Variants in DDX20 observed in about 807,000 individuals in gnomAD.
DDX20 encodes probable ATP-dependent RNA helicase DDX20.
Under a neutral mutation model 76.4 loss-of-function variants are expected in DDX20, and 61 were observed. That is an observed-to-expected ratio of 0.80 (90% CI 0.65 to 0.99). DDX20 has a LOEUF of 0.99. Among genes scored for constraint, DDX20 ranks in the 50% least tolerant of loss-of-function variants. The probability of loss-of-function intolerance (pLI) is 0.00; values close to 1 mark genes in which losing one functional copy is unlikely to be tolerated. For missense variants in DDX20, 976 were observed against 996.8 expected (o/e 0.98, Z 0.28); for synonymous variants, 357 against 357.4 (o/e 1.00, Z 0.01).
At chr1:111,759,032 A>G (rs1663619132) in intron 2 of DDX20, among the ~76,000 whole-genome samples, 1 of 152,248 alleles carries the variant, frequency 6.6e-6, no homozygotes, top group Non-Finnish European at 1.5e-5. Flanking sequence ...GGAACAATAA[A>G]AAATAATACA....
In DDX20 at chr1:111,762,949, A is replaced by G. The variant is rs368058747; in HGVS notation, c.1254A>G (p.Glu418=). 3.9e-5 allele frequency: 63 copies of G among 1,613,960 alleles called. No homozygotes were observed. The highest frequency in any genetic ancestry group is 5.3e-5 in the Non-Finnish European group (62 of 1,179,978). ...TGACCTACTGTTGCCGGGGAGAGGA[A>G]GAAAATATGATGATGAGAATTGCCC... is the stretch of plus-strand genomic sequence containing the variant. The part of the protein sequence containing the change: ...LTVTYCCRGE[E]ENMMMRIAQK... Residue 418 remains glutamate, a synonymous_variant, in exon 10 of 11, where the codon GAA becomes GAG. Transcript: ENST00000369702.
Position 111,761,324 on chromosome 1 carries a change from G to A in DDX20, c.1021+40G>A, listed in dbSNP as rs1434114272. 4 of 1,556,404 alleles carry A rather than the reference G, an allele frequency of 2.6e-6. No homozygotes were observed. In the South Asian group the frequency reaches 4.6e-5, roughly 18 times the overall value. ...TACTTTAATCTTTATTTAGTATACTGACTTGAAGCCTCCAAAGTCAGGAGG... is the reference window on the plus strand; with the variant it reads ...TACTTTAATCTTTATTTAGTATACTAACTTGAAGCCTCCAAAGTCAGGAGG... On this transcript the variant is annotated intron_variant, in intron 7 of 10. Transcript: ENST00000369702.
At chr1:111,756,783 CT>C in intron 2 of DDX20, 43 bp downstream of exon 2, 1 of 1,472,956 alleles carries the variant, frequency 6.8e-7, no homozygotes, top group Non-Finnish European at 9.5e-7. Context: ...GTTTTGTGGA[CT>C]TTACCACAGG....
At position 111,766,239 on chromosome 1, in the gene DDX20, G is replaced by C; in HGVS notation, c.1815G>C (p.Gly605=). Residue 605 remains glycine (G), a synonymous_variant, in exon 11 of 11, where the codon GGG becomes GGC. Transcript: ENST00000369702. ...VEDYEHYIKE[G]LEKPVEIIRH... ...ATTATGAACATTATATTAAAGAGGG[G>C]TTAGAGAAACCTGTGGAAATCATCA... 1 of 1,614,150 alleles carries C rather than the reference G, an allele frequency of 6.2e-7. No individual in the cohort carries two copies. The highest frequency in any genetic ancestry group is 8.5e-7 in the Non-Finnish European group (1 of 1,180,024).
At position 111,756,099 on chromosome 1, in the gene DDX20, G is replaced by A. The variant is rs1432614698; in HGVS notation, c.175G>A (p.Ala59Thr). The A allele has an allele frequency of 6.2e-7, 1 of 1,600,690 alleles. No homozygotes were observed. Among genetic ancestry groups the A allele is most frequent in the African/African-American group, 1.3e-5 (1 of 74,806 alleles). ...GACCCGCACGGGGGATGTGCTGTTG[G>A]CGGAGCCGGCCGACTTCGAGTCACT... ...PRTRTGDVLL[A>T]EPADFESLLL... Residue 59 changes from alanine to threonine, a missense_variant, in exon 1 of 11, where the codon GCG becomes ACG. Coordinates refer to ENST00000369702, the MANE Select transcript of DDX20 (RefSeq NM_007204.5).
intron 2 of DDX20, among the ~76,000 whole-genome samples, chr1:111,757,389 G>T (rs1431070586): frequency 6.6e-6 from 1 of 152,130 alleles, no homozygotes; most frequent in Non-Finnish European, 1.5e-5. Context: ...GTATCATATT[G>T]ATCTCCCATC....
chr1:111,760,643 TAGC>T (rs1042132724), intron 4 of DDX20, 55 bp downstream of exon 4: 110 of 1,600,584 alleles, frequency 6.9e-5, no homozygotes, highest in Admixed American at 6.3e-4. Context: ...TATCTATCTT[TAGC>T]TTTTCCAAGT....
In DDX20 at chr1:111,757,019, G is replaced by T. The variant is rs557704989; in HGVS notation, c.396+279G>T. ...AGACTTAACATTTGACTTGATTCATGGTAATGTAGTGCTCTGGCTATTGTT... is the reference window on the plus strand; with the variant it reads ...AGACTTAACATTTGACTTGATTCATTGTAATGTAGTGCTCTGGCTATTGTT... On this transcript the variant is annotated intron_variant, in intron 2 of 10. Coordinates refer to ENST00000369702, the MANE Select transcript of DDX20 (RefSeq NM_007204.5). Among the ~76,000 whole-genome samples the T allele has an allele frequency of 9.9e-5, 15 of 152,054 alleles. No individual in the cohort carries two copies. In the South Asian group the frequency reaches 3.1e-3, roughly 32 times the overall value.
intron 3 of DDX20, among the ~76,000 whole-genome samples, chr1:111,759,963 G>A: frequency 8.8e-6 from 1 of 113,442 alleles, no homozygotes; most frequent in Non-Finnish European, 1.7e-5. Context: ...GACAGAGCGA[G>A]ACTCCATCTC....
Position 111,762,665 on chromosome 1 carries a change from C to T in DDX20, c.1105-12C>T. ...AATGCAAACAAATAATTGCTATCTTCTTCAATTCAAGACTTCTCGTGGGAT... is the reference window on the plus strand; with the variant it reads ...AATGCAAACAAATAATTGCTATCTTTTTCAATTCAAGACTTCTCGTGGGAT... On this transcript the variant is annotated splice_polypyrimidine_tract_variant and intron_variant, in intron 8 of 10. Transcript: ENST00000369702. 1.2e-6 allele frequency: 2 copies of T among 1,603,604 alleles called. No homozygotes were observed. The highest frequency in any genetic ancestry group is 4.5e-5 in the East Asian group (2 of 44,808).
Position 111,762,998 on chromosome 1 carries a change from C to T in DDX20, c.1303C>T (p.Pro435Ser), listed in dbSNP as rs190830881. Reference sequence around the variant, plus strand: ...CCAGAAATGTAATATCAACCTTCTCCCTTTACCAGGTACATTTCATCTGTT... The same window carrying T: ...CCAGAAATGTAATATCAACCTTCTCTCTTTACCAGGTACATTTCATCTGTT... Reference protein sequence around the residue: ...IAQKCNINLLPLPDPIPSGLM... With the variant: ...IAQKCNINLLSLPDPIPSGLM... The change falls in exon 10 of 11, where the codon CCT (proline) becomes TCT (serine). Residue 435 changes from proline (P) to serine (S), a missense_variant. Pro to Ser is a moderately conservative substitution (Grantham distance 74). This residue lies in a region of DDX20 where 630 missense variants were observed against 693.7 expected (regional missense o/e 0.91). Transcript: ENST00000369702. 26 of 1,609,466 alleles carry T rather than the reference C, an allele frequency of 1.6e-5. No individual in the cohort carries two copies. Among genetic ancestry groups the T allele is most frequent in the Non-Finnish European group, 2.1e-5 (25 of 1,176,000 alleles).
rs1358850428 is a variant in DDX20, at chr1:111,759,501, T to C, written c.498T>C (p.Ile166=). 6.2e-7 allele frequency: 1 copy of C among 1,614,056 alleles called. No individual in the cohort carries two copies. The highest frequency in any genetic ancestry group is 2.2e-5 in the East Asian group (1 of 44,858). ...AAGGCTTAGAGTGTCATGTCTTTAT[T>C]GGAGGGACCCCATTATCACAAGACA... is the stretch of plus-strand genomic sequence containing the variant. The part of the protein sequence containing the change: ...KMEGLECHVF[I]GGTPLSQDKT... Residue 166 remains isoleucine (I), a synonymous_variant, in exon 3 of 11, where the codon ATT becomes ATC. Coordinates refer to ENST00000369702, the MANE Select transcript of DDX20 (RefSeq NM_007204.5).
At chr1:111,762,533 T>G in intron 8 of DDX20, 144 bp from the exon 9 acceptor site, 1 of 848,442 alleles carries the variant, frequency 1.2e-6, no homozygotes, top group South Asian at 1.8e-5. Flanking sequence ...AAATTAGTCA[T>G]TAGGAATGAA....
intron 3 of DDX20, 51 bp from the exon 4 acceptor site, chr1:111,760,423 T>A (rs539280136): frequency 1.6e-6 from 2 of 1,266,660 alleles, no homozygotes; most frequent in African/African-American, 3.0e-5. Context: ...TGGCTGAGAT[T>A]TACACAAATT....
At chr1:111,764,301 A>G (rs1269663830) in intron 10 of DDX20, among the ~76,000 whole-genome samples, 1 of 152,126 alleles carries the variant, frequency 6.6e-6, no homozygotes, top group East Asian at 1.9e-4. Context: ...AAAGAAAAAT[A>G]CACATATAGT....
Position 111,756,637 on chromosome 1 carries a change from C to T in DDX20, c.302-9C>T, listed in dbSNP as rs780108317. The T allele has an allele frequency of 1.6e-5, 26 of 1,612,964 alleles. No homozygotes were observed. The highest frequency in any genetic ancestry group is 1.8e-5 in the Non-Finnish European group (21 of 1,179,410). ...ACTGGCTAGTGATAATTGTTTTTTT[C>T]CTTCGCAGATTTAATTGTTCAAGCT... On this transcript the variant is annotated splice_polypyrimidine_tract_variant and intron_variant, in intron 1 of 10. Transcript: ENST00000369702.
At chr1:111,760,339 T>C in intron 3 of DDX20, 135 bp from the exon 4 acceptor site, 2 of 605,232 alleles carry the variant, frequency 3.3e-6, no homozygotes, top group East Asian at 5.8e-5. Context: ...TGGTTTAGTG[T>C]GTACATGCAT....
At chr1:111,758,151 C>T (rs1663601455) in intron 2 of DDX20, among the ~76,000 whole-genome samples, 1 of 152,276 alleles carries the variant, frequency 6.6e-6, no homozygotes, top group Non-Finnish European at 1.5e-5. Context: ...AGCCACCATG[C>T]CCGGCAAATT....
intron 3 of DDX20, 22 bp downstream of exon 3, chr1:111,759,590 G>A (rs901496723): frequency 1.2e-6 from 2 of 1,600,266 alleles, no homozygotes; most frequent in African/African-American, 1.3e-5. Flanking sequence ...ATGCCTGTTG[G>A]TAACCAGGGC....
Sources: allele counts gnomAD v4.1 joint callset (sites outside exome capture counted in the v4.1 genomes callset), GRCh38; gene constraint gnomAD v4.1.1; regional missense constraint gnomAD v4.1.1; transcripts MANE v1.5; gene names NCBI Gene and HGNC (gene_info 2026-07-23, HGNC 2026-07-21).